Variants in GRM7 observed in about 807,000 individuals in gnomAD.
The protein encoded by GRM7 is metabotropic glutamate receptor 7.
GRM7 carries 35 observed loss-of-function variants against 84.5 expected under a neutral mutation model. The ratio of observed to expected loss-of-function variants is 0.41; its 90% CI spans 0.32 to 0.55. GRM7 has a LOEUF of 0.55. GRM7 is among the 20% of genes least tolerant of loss of function. GRM7 has a pLI of 0.19. For synonymous variants in GRM7, 487 were observed against 455.1 expected (o/e 1.07, Z -0.89); for missense variants, 1,003 against 1,194.6 (o/e 0.84, Z 2.36).
intron 7 of GRM7, among the ~76,000 whole-genome samples, chr3:7,549,089 T>C (rs1188262134): frequency 2.6e-5 from 4 of 152,174 alleles, no homozygotes. Flanking sequence ...TCTCTTACCA[T>C]CACATGCCAG....
intron 8 of GRM7, among the ~76,000 whole-genome samples, chr3:7,630,312 T>G (rs1697810411): frequency 1.0e-5 from 1 of 97,594 alleles, no homozygotes; most frequent in Admixed American, 1.0e-4. Flanking sequence ...AGTTGTCTGA[T>G]TAGATGCAAA....
chr3:7,030,693 T>C (rs1696155121), intron 1 of GRM7, among the ~76,000 whole-genome samples: 1 of 152,184 alleles, frequency 6.6e-6, no homozygotes, highest in Non-Finnish European at 1.5e-5. Context: ...ATTCGTTTGG[T>C]GTCCATGTAT....
chr3:7,171,752 G>A (rs1223282752), intron 2 of GRM7, among the ~76,000 whole-genome samples: 1 of 152,110 alleles, frequency 6.6e-6, no homozygotes, highest in Non-Finnish European at 1.5e-5. Context: ...GGCGTGACTT[G>A]ATGAGAACTT....
chr3:7,239,669 C>T (rs983030596), intron 2 of GRM7, among the ~76,000 whole-genome samples: 2 of 152,076 alleles, frequency 1.3e-5, no homozygotes, highest in African/African-American at 4.8e-5. Flanking sequence ...CTATTAAAGG[C>T]CTAGAGGGGG....
rs577963250 is a variant in GRM7, at chr3:7,526,786, C to A, written c.1516-51636C>A. On this transcript the variant is annotated intron_variant, in intron 7 of 9. Transcript: ENST00000357716. Reference sequence around the variant, plus strand: ...AGCACCATTCATTGAATAGGAAGTCCTTTCCCTATTGTTTATTTTTATCAA... The same window carrying A: ...AGCACCATTCATTGAATAGGAAGTCATTTCCCTATTGTTTATTTTTATCAA... Among the ~76,000 whole-genome samples the A allele has an allele frequency of 4.1e-4, 62 of 152,058 alleles. 1 individual carries two copies. Among genetic ancestry groups the A allele is most frequent in the Admixed American group, 9.2e-4 (14 of 15,240 alleles).
chr3:7,465,388 A>G (rs1698421359), intron 7 of GRM7, among the ~76,000 whole-genome samples: 1 of 152,092 alleles, frequency 6.6e-6, no homozygotes, highest in Non-Finnish European at 1.5e-5. Context: ...GACACCTTTT[A>G]TTGTGAGATT....
chr3:7,042,428 T>G (rs1696659013), intron 1 of GRM7, among the ~76,000 whole-genome samples: 1 of 152,180 alleles, frequency 6.6e-6, no homozygotes, highest in Non-Finnish European at 1.5e-5. Flanking sequence ...TCCTACGTCA[T>G]CAGACCAGAC....
intron 4 of GRM7, among the ~76,000 whole-genome samples, chr3:7,413,536 G>T (rs1281872098): frequency 6.6e-6 from 1 of 152,206 alleles, no homozygotes; most frequent in Admixed American, 6.5e-5. Context: ...CTGCTGCTTT[G>T]AATTGTCTGA....
chr3:7,695,370 CAA>C (rs1480802469), intron 9 of GRM7, among the ~76,000 whole-genome samples: 1 of 152,180 alleles, frequency 6.6e-6, no homozygotes, highest in Non-Finnish European at 1.5e-5. Flanking sequence ...CTTTTGTAGG[CAA>C]AGTGTGTTGA....
Position 6,861,852 on chromosome 3 carries a change from G to T in GRM7, c.464G>T (p.Gly155Val), listed in dbSNP as rs2124924667. The T allele has an allele frequency of 6.2e-7, 1 of 1,614,040 alleles. No homozygotes were observed. Among genetic ancestry groups the T allele is most frequent in the South Asian group, 1.1e-5 (1 of 91,082 alleles). ...CCGGAGAAAGTAGTTGGAGTGATTG[G>T]GGCTTCGGGGAGTTCGGTCTCCATC... ...VKPEKVVGVI[G>V]ASGSSVSIMV... Residue 155 changes from glycine to valine, a missense_variant, in exon 1 of 10, where the codon GGG (glycine) becomes GTG (valine). Physicochemically the swap from Gly to Val is moderately radical, Grantham distance 109 (BLOSUM62 -3). Coordinates refer to ENST00000357716, the MANE Select transcript of GRM7 (RefSeq NM_000844.4). This position sits in a 1 kb window ranked among gnomAD's most constrained non-coding sequence, Gnocchi z 6.4.
At chr3:7,240,110 A>G (rs1697493497) in intron 2 of GRM7, among the ~76,000 whole-genome samples, 2 of 108,134 alleles carry the variant, frequency 1.8e-5, no homozygotes, top group South Asian at 6.4e-4. Flanking sequence ...GTAATCTTTT[A>G]GCATGTGAGG....
intron 7 of GRM7, among the ~76,000 whole-genome samples, chr3:7,540,177 T>A (rs1692793295): frequency 6.6e-6 from 1 of 152,186 alleles, no homozygotes; most frequent in African/African-American, 2.4e-5. Flanking sequence ...TTTATATTTT[T>A]TCAAAATGTT....
At chr3:7,475,028 T>C (rs1021266040) in intron 7 of GRM7, among the ~76,000 whole-genome samples, 2 of 152,186 alleles carry the variant, frequency 1.3e-5, no homozygotes, top group Admixed American at 6.6e-5. Context: ...TACAAACTCC[T>C]CAACAAATAC....
chr3:7,629,432 T>G (rs888166033), intron 8 of GRM7, among the ~76,000 whole-genome samples: 1 of 152,138 alleles, frequency 6.6e-6, no homozygotes, highest in Non-Finnish European at 1.5e-5. Context: ...AGCTGCCTTC[T>G]CACTATGTCC....
At chr3:7,722,867 A>C (rs747826445) in intron 9 of GRM7, among the ~76,000 whole-genome samples, 1 of 152,156 alleles carries the variant, frequency 6.6e-6, no homozygotes, top group Non-Finnish European at 1.5e-5. Context: ...AAATACATAG[A>C]GAAGACTGAC....
rs988670078 is a variant in GRM7, at chr3:7,112,227, T to C, written c.520-34225T>C. Among the ~76,000 whole-genome samples the C allele has an allele frequency of 9.0e-5, 10 of 110,770 alleles. No homozygotes were observed. In the East Asian group the frequency reaches 2.3e-3, roughly 25 times the overall value. The allele number at this position is 110,770 out of a possible 152,430, so 72.7% of individuals were successfully genotyped here. ...TAGTCTATTGAGTTTTCATATTTTA[T>C]GATTTTTTTTTTTTTGAGACAGAGT... On this transcript the variant is annotated intron_variant, in intron 1 of 9. Transcript: ENST00000357716.
At chr3:7,417,847 C>G (rs1696237250) in intron 5 of GRM7, among the ~76,000 whole-genome samples, 2 of 151,972 alleles carry the variant, frequency 1.3e-5, no homozygotes, top group South Asian at 4.1e-4. Context: ...TGCAAGTAGA[C>G]CAACACTGAA....
chr3:7,737,510 A>T (rs1702545044), intron 9 of GRM7, among the ~76,000 whole-genome samples: 1 of 152,210 alleles, frequency 6.6e-6, no homozygotes, highest in Non-Finnish European at 1.5e-5. Flanking sequence ...CTGACCATAA[A>T]CTACATTTCT....
At chr3:7,638,290 A>G (rs1441872476) in intron 8 of GRM7, among the ~76,000 whole-genome samples, 1 of 152,232 alleles carries the variant, frequency 6.6e-6, no homozygotes, top group Non-Finnish European at 1.5e-5. Context: ...GCATCATTAT[A>G]AAACAGAATA....
Sources: gnomAD v4.1 joint callset for allele counts (sites outside exome capture counted in the v4.1 genomes callset) on GRCh38, gnomAD v4.1.1 for gene constraint, Gnocchi (gnomAD v3.1) non-coding constraint, MANE v1.5 for transcripts, NCBI Gene and HGNC (gene_info 2026-07-23, HGNC 2026-07-21) for gene names.